PPP2R5E: variants seen among roughly 807,000 people sequenced by gnomAD.
PPP2R5E encodes the protein serine/threonine-protein phosphatase 2A 56 kDa regulatory subunit epsilon isoform.
A neutral mutation model predicts 65.3 loss-of-function variants in PPP2R5E; 4 were observed. That is an observed-to-expected ratio of 0.06 (90% CI 0.03 to 0.14). The LOEUF (loss-of-function observed/expected upper bound fraction) is 0.14, where lower values mean the gene tolerates loss of function less well. Among genes scored for constraint, PPP2R5E ranks in the 10% least tolerant of loss-of-function variants. The pLI is 1.00. For missense variants in PPP2R5E, 274 were observed against 556.1 expected (o/e 0.49, Z 5.10); for synonymous variants, 183 against 187.4 (o/e 0.98, Z 0.19).
chr14:63,467,247 A>AAAC (rs1889877930), intron 2 of PPP2R5E, among the ~76,000 whole-genome samples: 3 of 150,518 alleles, frequency 2.0e-5, no homozygotes, highest in African/African-American at 7.4e-5. Flanking sequence ...AACAAACAAA[A>AAAC]AAAACACTAT....
intron 3 of PPP2R5E, among the ~76,000 whole-genome samples, chr14:63,448,787 C>CAA (rs36096050): frequency 0.013 from 1,091 of 86,414 alleles, 45 homozygotes; most frequent in African/African-American, 0.033. Context: ...AAGACTTCGT[C>CAA]AAAAAAAAAA....
chr14:63,541,508 C>G (rs1006764149), intron 1 of PPP2R5E, among the ~76,000 whole-genome samples: 1 of 152,204 alleles, frequency 6.6e-6, no homozygotes, highest in Non-Finnish European at 1.5e-5. Flanking sequence ...TAATTTCATT[C>G]ACCAAATTAA....
chr14:63,520,859 CAAAAAAAAAAAAAAA>C lies in PPP2R5E; in HGVS notation c.157+18655_157+18669del, dbSNP rs748146106. Among the ~76,000 whole-genome samples, 127 of 58,532 alleles carry C rather than the reference CAAAAAAAAAAAAAAA, an allele frequency of 2.2e-3. 1 individual carries two copies. The highest frequency in any genetic ancestry group is 5.0e-3 in the African/African-American group (120 of 24,074). The allele number at this position is 58,532 out of a possible 152,430, so 38.4% of individuals were successfully genotyped here. ...TGAAACCTCATCTCTACTAAAAATA[CAAAAAAAAAAAAAAA>C]AAAAAAAAAAAACAATTAGCCGGGC... On this transcript the variant is annotated intron_variant, in intron 2 of 13. Transcript: ENST00000337537.
chr14:63,396,501 C>CA (rs1403353859), intron 6 of PPP2R5E, 85 bp downstream of exon 6: 2 of 1,506,034 alleles, frequency 1.3e-6, no homozygotes, highest in African/African-American at 2.8e-5. Context: ...AGTCAGTACA[C>CA]CGTTTTCAGA....
At chr14:63,494,011 C>T (rs1481220682) in intron 2 of PPP2R5E, among the ~76,000 whole-genome samples, 1 of 152,108 alleles carries the variant, frequency 6.6e-6, no homozygotes, top group Non-Finnish European at 1.5e-5. Flanking sequence ...AGCAATTTAG[C>T]AGCACCTACC....
intron 2 of PPP2R5E, among the ~76,000 whole-genome samples, chr14:63,518,294 T>G (rs954251069): frequency 6.6e-5 from 10 of 152,272 alleles, no homozygotes; most frequent in African/African-American, 2.4e-4. Context: ...CAGTCTGGAG[T>G]GCAGTGGTGC....
intron 2 of PPP2R5E, among the ~76,000 whole-genome samples, chr14:63,510,794 T>C (rs545418983): frequency 6.6e-6 from 1 of 152,346 alleles, no homozygotes; most frequent in East Asian, 1.9e-4. Flanking sequence ...GTGGAAGGTT[T>C]TGAACAGAGG....
At chr14:63,437,187 G>C (rs1000304339) in intron 3 of PPP2R5E, among the ~76,000 whole-genome samples, 1 of 152,128 alleles carries the variant, frequency 6.6e-6, no homozygotes, top group Non-Finnish European at 1.5e-5. Context: ...TGGTCTAAAA[G>C]GGAGAGGAAC....
chr14:63,500,003 T>G (rs988768404), intron 2 of PPP2R5E, among the ~76,000 whole-genome samples: 5 of 152,204 alleles, frequency 3.3e-5, no homozygotes, highest in African/African-American at 4.8e-5. Flanking sequence ...TGAAAATTAT[T>G]TGGACAATGT....
chr14:63,491,455 G>C (rs375614342), intron 2 of PPP2R5E, among the ~76,000 whole-genome samples: 1 of 152,046 alleles, frequency 6.6e-6, no homozygotes, highest in Admixed American at 6.5e-5. Context: ...CAAAGATGTA[G>C]TGTGAAAAAA....
At chr14:63,489,965 A>G (rs1289873952) in intron 2 of PPP2R5E, among the ~76,000 whole-genome samples, 3 of 152,158 alleles carry the variant, frequency 2.0e-5, no homozygotes, top group African/African-American at 7.2e-5. Context: ...TATTTTGAGT[A>G]TCTTAAAAAC....
intron 2 of PPP2R5E, among the ~76,000 whole-genome samples, chr14:63,467,582 T>C (rs1167104887): frequency 1.3e-5 from 2 of 152,156 alleles, no homozygotes; most frequent in East Asian, 1.9e-4. Flanking sequence ...CCTTAATAAG[T>C]ATAATAAAGT....
At chr14:63,444,657 A>G (rs1888392043) in intron 3 of PPP2R5E, among the ~76,000 whole-genome samples, 1 of 152,238 alleles carries the variant, frequency 6.6e-6, no homozygotes, top group Admixed American at 6.5e-5. Context: ...ACAGAGTTCA[A>G]GCTCAGGTAA....
chr14:63,508,170 C>T, intron 2 of PPP2R5E: 1 of 985,576 alleles, frequency 1.0e-6, no homozygotes, highest in Non-Finnish European at 1.2e-6. Flanking sequence ...CCTTCATTAC[C>T]AAGTGTGTGC....
At chr14:63,410,760 A>C (rs997831794) in intron 5 of PPP2R5E, among the ~76,000 whole-genome samples, 4 of 152,218 alleles carry the variant, frequency 2.6e-5, no homozygotes, top group Admixed American at 2.0e-4. Flanking sequence ...GCTTATTCCC[A>C]ACATGGCAGT....
At chr14:63,479,887 T>G (rs1038792043) in intron 2 of PPP2R5E, among the ~76,000 whole-genome samples, 4 of 152,208 alleles carry the variant, frequency 2.6e-5, no homozygotes, top group Non-Finnish European at 5.9e-5. Context: ...AAGAATGCCT[T>G]ATTTTGTTAA....
intron 3 of PPP2R5E, among the ~76,000 whole-genome samples, chr14:63,447,059 A>G (rs72714243): frequency 0.16 from 24,726 of 152,126 alleles, 2,129 homozygotes; most frequent in East Asian, 0.21. Flanking sequence ...TTTACAGAGC[A>G]TAGGCAGGGT....
intron 2 of PPP2R5E, among the ~76,000 whole-genome samples, chr14:63,461,025 C>T (rs983123170): frequency 3.9e-5 from 6 of 152,174 alleles, no homozygotes; most frequent in Non-Finnish European, 8.8e-5. Flanking sequence ...AACTTGTCAA[C>T]ACATGAAAAA....
At chr14:63,484,192 G>C (rs1890859782) in intron 2 of PPP2R5E, among the ~76,000 whole-genome samples, 1 of 152,084 alleles carries the variant, frequency 6.6e-6, no homozygotes, top group Non-Finnish European at 1.5e-5. Flanking sequence ...CAGGAAACCT[G>C]TGAAAGGGAC....
Sources: allele counts gnomAD v4.1 joint callset (sites outside exome capture counted in the v4.1 genomes callset), GRCh38; gene constraint gnomAD v4.1.1; transcripts MANE v1.5; gene names NCBI Gene and HGNC (gene_info 2026-07-23, HGNC 2026-07-21).